The following EPHA7 variants were observed in gnomAD, a reference collection of about 807,000 sequenced individuals.
The protein encoded by EPHA7 is EPH receptor A7.
A neutral mutation model predicts 112.6 loss-of-function variants in EPHA7; 25 were observed. The ratio of observed to expected loss-of-function variants is 0.22; its 90% confidence interval spans 0.16 to 0.31. The LOEUF (loss-of-function observed/expected upper bound fraction) is 0.31, where lower values mean the gene tolerates loss of function less well. EPHA7 is among the 10% of genes least tolerant of loss of function. The pLI, the probability that EPHA7 is intolerant of heterozygous loss-of-function variation, is 1.00. For synonymous variants in EPHA7, 437 were observed against 406.5 expected (o/e 1.07, Z -0.90); for missense variants, 962 against 1,212.6 (o/e 0.79, Z 3.07).
At chr6:93,335,200 T>A (rs1435975085) in intron 5 of EPHA7, among the ~76,000 whole-genome samples, 2 of 152,118 alleles carry the variant, frequency 1.3e-5, no homozygotes, top group Admixed American at 6.6e-5. Flanking sequence ...GTATTTTACG[T>A]CAATCTAGTC....
At chr6:93,392,750 C>T (rs957113368) in intron 3 of EPHA7, among the ~76,000 whole-genome samples, 1 of 151,790 alleles carries the variant, frequency 6.6e-6, no homozygotes, top group African/African-American at 2.4e-5. Flanking sequence ...AAAATGTATG[C>T]ATGTCAAACC....
chr6:93,299,350 A>AAATAC (rs1449533069), intron 5 of EPHA7, among the ~76,000 whole-genome samples: 2 of 151,264 alleles, frequency 1.3e-5, no homozygotes, highest in Non-Finnish European at 2.9e-5. Context: ...AAATAAAATA[A>AAATAC]AATAAAGAAA....
At chr6:93,383,788 C>G (rs1777466637) in intron 3 of EPHA7, among the ~76,000 whole-genome samples, 2 of 152,216 alleles carry the variant, frequency 1.3e-5, no homozygotes, top group South Asian at 4.1e-4. Context: ...GCCTCGAACT[C>G]CTGGGCTCAA....
At chr6:93,248,696 C>CAAACA (rs146610467) in intron 14 of EPHA7, among the ~76,000 whole-genome samples, 1 of 134,980 alleles carries the variant, frequency 7.4e-6, no homozygotes, top group African/African-American at 2.6e-5. Flanking sequence ...AACAAACAAA[C>CAAACA]AACAACAACA....
chr6:93,412,233 A>T (rs914051789), intron 2 of EPHA7, among the ~76,000 whole-genome samples: 14 of 152,078 alleles, frequency 9.2e-5, no homozygotes, highest in African/African-American at 3.4e-4. Flanking sequence ...CAAATACAAA[A>T]CATTTGTGTT....
chr6:93,272,193 A>G (rs969873583), intron 6 of EPHA7, 105 bp downstream of exon 6: 24 of 1,294,376 alleles, frequency 1.9e-5, no homozygotes, highest in African/African-American at 2.9e-5. Context: ...CGAAGTTTGA[A>G]GTAGCTCCAA....
intron 3 of EPHA7, among the ~76,000 whole-genome samples, chr6:93,392,840 G>A (rs1448648235): frequency 2.0e-5 from 3 of 151,310 alleles, no homozygotes; most frequent in Non-Finnish European, 3.0e-5. Flanking sequence ...TTTCAGACAA[G>A]GACTTTACAA....
chr6:93,401,493 AT>A (rs1325889552), intron 3 of EPHA7, among the ~76,000 whole-genome samples: 1 of 152,102 alleles, frequency 6.6e-6, no homozygotes, highest in Non-Finnish European at 1.5e-5. Flanking sequence ...TACAGATTCT[AT>A]AACTTTAGCC....
At chr6:93,378,245 G>A (rs1470779805) in intron 3 of EPHA7, among the ~76,000 whole-genome samples, 1 of 152,028 alleles carries the variant, frequency 6.6e-6, no homozygotes, top group African/African-American at 2.4e-5. Flanking sequence ...AAAGGTCAGA[G>A]CTGAAAAGAG....
At position 93,286,168 on chromosome 6, in the gene EPHA7, T is replaced by C. The variant is rs955901908; in HGVS notation, c.1325-13746A>G. On this transcript the variant is annotated intron_variant, in intron 5 of 16. Transcript: ENST00000369303. ...CTTACACACACACACACACACACCC[T>C]ACACACACACCCCCACACAAATGTA... Among the ~76,000 whole-genome samples, 3 of 151,454 alleles carry C rather than the reference T, an allele frequency of 2.0e-5. 1 individual carries two copies. The highest frequency in any genetic ancestry group is 6.6e-5 in the Admixed American group (1 of 15,166).
chr6:93,320,020 T>G (rs907772800), intron 5 of EPHA7, among the ~76,000 whole-genome samples: 1 of 151,964 alleles, frequency 6.6e-6, no homozygotes, highest in African/African-American at 2.4e-5. Flanking sequence ...AGGGATAAAT[T>G]GGATAAAATA....
At chr6:93,287,470 T>C (rs575543715) in intron 5 of EPHA7, among the ~76,000 whole-genome samples, 8 of 152,066 alleles carry the variant, frequency 5.3e-5, no homozygotes, top group African/African-American at 1.9e-4. Context: ...TCTGTCCTTT[T>C]CTCCTTGGCT....
intron 5 of EPHA7, among the ~76,000 whole-genome samples, chr6:93,330,304 C>G (rs1395482479): frequency 1.3e-5 from 2 of 151,198 alleles, no homozygotes; most frequent in Non-Finnish European, 3.0e-5. Flanking sequence ...TGGGAACATT[C>G]AGAATCCTCT....
chr6:93,417,728 G>T (rs934527186), intron 1 of EPHA7, among the ~76,000 whole-genome samples: 7 of 152,128 alleles, frequency 4.6e-5, no homozygotes, highest in Admixed American at 3.3e-4. Flanking sequence ...CAGGGGAGTA[G>T]AAATGTGGTT....
At chr6:93,412,641 T>C (rs938527896) in intron 2 of EPHA7, among the ~76,000 whole-genome samples, 2 of 152,072 alleles carry the variant, frequency 1.3e-5, no homozygotes, top group African/African-American at 4.8e-5. Context: ...ACAATCTGAA[T>C]GGCAATCAGC....
intron 9 of EPHA7, among the ~76,000 whole-genome samples, chr6:93,261,845 T>C (rs1174382189): frequency 6.6e-6 from 1 of 151,472 alleles, no homozygotes; most frequent in Non-Finnish European, 1.5e-5. Context: ...GTGAAAAAAG[T>C]GAATGGCATA....
chr6:93,323,732 G>C (rs570952349), intron 5 of EPHA7, among the ~76,000 whole-genome samples: 1 of 151,482 alleles, frequency 6.6e-6, no homozygotes, highest in East Asian at 1.9e-4. Context: ...CTTTCATACA[G>C]TGCTGCTCTT....
chr6:93,410,278 T>A lies in EPHA7; in HGVS notation c.832+223A>T, dbSNP rs141851711. ...ATGTTAAGCATAGGACACATTAAAT[T>A]TTAGTAACAAATTTCATTATCACCT... On this transcript the variant is annotated intron_variant, in intron 3 of 16. Transcript: ENST00000369303. This position sits in a 1 kb window ranked among gnomAD's most constrained non-coding sequence, Gnocchi z 4.0. 1.2e-3 allele frequency: 636 copies of A among 535,764 alleles called. 3 individuals carry two copies. The Middle Eastern group carries it at 0.027, about 23-fold the overall frequency. The allele number at this position is 535,764 out of a possible 1,614,324, so 33.2% of individuals were successfully genotyped here.
chr6:93,417,911 T>C (rs550881718), intron 1 of EPHA7, among the ~76,000 whole-genome samples: 1 of 151,726 alleles, frequency 6.6e-6, no homozygotes, highest in Non-Finnish European at 1.5e-5. Context: ...TGGCGCCGGG[T>C]TTGAGGGGGG....
Sources: gnomAD v4.1 joint callset for allele counts (sites outside exome capture counted in the v4.1 genomes callset) on GRCh38, gnomAD v4.1.1 for gene constraint, Gnocchi (gnomAD v3.1) non-coding constraint, MANE v1.5 for transcripts, NCBI Gene and HGNC (gene_info 2026-07-23, HGNC 2026-07-21) for gene names.